MBD5: variants seen among roughly 807,000 people sequenced by gnomAD.
MBD5 encodes methyl-CpG-binding domain protein 5.
Under a neutral mutation model 117.3 loss-of-function variants are expected in MBD5, and 13 were observed. The ratio of observed to expected loss-of-function variants is 0.11; its 90% CI spans 0.07 to 0.18. The LOEUF is 0.18. Among genes scored for constraint, MBD5 ranks in the 10% least tolerant of loss-of-function variants. The probability of loss-of-function intolerance (pLI) is 1.00; values close to 1 mark genes in which losing one functional copy is unlikely to be tolerated. For synonymous variants in MBD5, 727 were observed against 766.4 expected, an observed-to-expected ratio of 0.95 and a Z score of 0.85; for missense variants, 1,879 against 2,093.8, an observed-to-expected ratio of 0.90 and a Z score of 2.00.
intron 1 of MBD5, among the ~76,000 whole-genome samples, chr2:148,088,628 A>G (rs913550702): frequency 1.3e-5 from 2 of 152,234 alleles, no homozygotes; most frequent in African/African-American, 4.8e-5. Flanking sequence ...TAAATGAAAA[A>G]GAAATAAAGT....
chr2:148,066,982 G>A (rs1425348320), intron 1 of MBD5, among the ~76,000 whole-genome samples: 1 of 152,180 alleles, frequency 6.6e-6, no homozygotes, highest in East Asian at 1.9e-4. Context: ...CACCTGGAAA[G>A]CAAAAGTGAT....
At chr2:148,330,550 A>G (rs1010535801) in intron 3 of MBD5, 2 of 152,218 alleles carry the variant, frequency 1.3e-5, no homozygotes, top group Admixed American at 6.5e-5. Flanking sequence ...AAATCCTGCT[A>G]TAGATTTCTT....
Position 148,502,439 on chromosome 2 carries a change from G to C in MBD5, c.4966G>C (p.Glu1656Gln), listed in dbSNP as rs1215575099. 6 of 1,613,930 alleles carry C rather than the reference G, an allele frequency of 3.7e-6. No homozygotes were observed. Among genetic ancestry groups the C allele is most frequent in the Non-Finnish European group, 5.1e-6 (6 of 1,179,932 alleles). Residue 1656 changes from glutamate (E) to glutamine (Q), a missense_variant, in exon 12 of 14, where the codon GAG becomes CAG. Transcript: ENST00000642680. ...CQQSPEEGKV[E>Q]PEKLKTLTEG... Reference sequence around the variant, plus strand: ...TGGTCTTCATACCTTCACTCAGGTGGAGCCCGAGAAGTTGAAGACACTAAC... The same window carrying C: ...TGGTCTTCATACCTTCACTCAGGTGCAGCCCGAGAAGTTGAAGACACTAAC...
chr2:148,286,007 C>A (rs538303663), intron 3 of MBD5, among the ~76,000 whole-genome samples: 3 of 151,962 alleles, frequency 2.0e-5, no homozygotes, highest in Non-Finnish European at 4.4e-5. Context: ...TTAATAGCAG[C>A]AAACACTTCT....
intron 3 of MBD5, among the ~76,000 whole-genome samples, chr2:148,323,092 G>A (rs983262842): frequency 4.6e-5 from 7 of 151,300 alleles, no homozygotes; most frequent in East Asian, 1.9e-4. Context: ...GAGAATATGC[G>A]GTGTTTGGTT....
intron 4 of MBD5, among the ~76,000 whole-genome samples, chr2:148,359,203 G>C (rs1703462678): frequency 6.6e-6 from 1 of 150,732 alleles, no homozygotes; most frequent in African/African-American, 2.4e-5. Flanking sequence ...GGAGGAGGAG[G>C]TTGCAGTGAG....
At chr2:148,096,764 C>T (rs1696079744) in intron 1 of MBD5, among the ~76,000 whole-genome samples, 1 of 151,810 alleles carries the variant, frequency 6.6e-6, no homozygotes, top group Non-Finnish European at 1.5e-5. Flanking sequence ...AATACAACAC[C>T]CAGAAGTACC....
intron 1 of MBD5, among the ~76,000 whole-genome samples, chr2:148,034,002 C>T (rs527765608): frequency 2.6e-5 from 4 of 152,182 alleles, no homozygotes; most frequent in African/African-American, 9.6e-5. Context: ...GTTTGACAGC[C>T]TGGGCACCAT....
intron 8 of MBD5, among the ~76,000 whole-genome samples, chr2:148,478,624 A>T (rs143895784): frequency 2.3e-3 from 357 of 152,272 alleles, no homozygotes; most frequent in African/African-American, 7.4e-3. Flanking sequence ...ATTGGACTAG[A>T]CTGTCTTAAT....
intron 1 of MBD5, among the ~76,000 whole-genome samples, chr2:148,022,544 AT>A (rs1291019198): frequency 9.2e-5 from 14 of 152,184 alleles, no homozygotes; most frequent in Non-Finnish European, 1.8e-4. Flanking sequence ...AGTAATCCCC[AT>A]TGAAAACTTT....
chr2:148,037,929 C>A (rs1472464328), intron 1 of MBD5, among the ~76,000 whole-genome samples: 1 of 151,876 alleles, frequency 6.6e-6, no homozygotes, highest in Non-Finnish European at 1.5e-5. Flanking sequence ...ACAAACAGTT[C>A]TTTTCAGCTA....
intron 1 of MBD5, among the ~76,000 whole-genome samples, chr2:148,080,129 G>T (rs778129923): frequency 6.6e-6 from 1 of 152,156 alleles, no homozygotes; most frequent in Non-Finnish European, 1.5e-5. Context: ...TAGGATTAAG[G>T]TGAAGGTGAT....
At chr2:148,333,758 T>C (rs1469381003) in intron 3 of MBD5, among the ~76,000 whole-genome samples, 1 of 152,024 alleles carries the variant, frequency 6.6e-6, no homozygotes, top group Admixed American at 6.6e-5. Flanking sequence ...CTTGGGAGGC[T>C]GAGGTGGGAG....
intron 2 of MBD5, among the ~76,000 whole-genome samples, chr2:148,185,219 A>C (rs1043118562): frequency 6.6e-6 from 1 of 152,184 alleles, no homozygotes; most frequent in Non-Finnish European, 1.5e-5. Flanking sequence ...TCCAAGGCCC[A>C]AGCCACCAGC....
chr2:148,256,137 C>G (rs185778682), intron 3 of MBD5, among the ~76,000 whole-genome samples: 2 of 152,238 alleles, frequency 1.3e-5, no homozygotes, highest in African/African-American at 4.8e-5. Context: ...TTACTTGTTG[C>G]GTAACATTGG....
At chr2:148,278,548 T>A (rs555390063) in intron 3 of MBD5, among the ~76,000 whole-genome samples, 14 of 152,312 alleles carry the variant, frequency 9.2e-5, no homozygotes, top group South Asian at 4.1e-4. Flanking sequence ...GCCATCATTT[T>A]AAAAATCTTC....
At chr2:148,405,404 C>T (rs114685111) in intron 4 of MBD5, among the ~76,000 whole-genome samples, 2,557 of 152,282 alleles carry the variant, frequency 0.017, 84 homozygotes, top group African/African-American at 0.057. Flanking sequence ...GAGTATTCCA[C>T]CCTATGCCCC....
At chr2:148,403,162 A>C (rs571166942) in intron 4 of MBD5, among the ~76,000 whole-genome samples, 1 of 146,494 alleles carries the variant, frequency 6.8e-6, no homozygotes, top group South Asian at 2.2e-4. Flanking sequence ...GAATACAATT[A>C]TAATAACTAT....
intron 3 of MBD5, among the ~76,000 whole-genome samples, chr2:148,245,387 G>A (rs1700313383): frequency 1.3e-5 from 2 of 151,986 alleles, no homozygotes; most frequent in Admixed American, 1.3e-4. Context: ...CACCATTCCT[G>A]GCTAATGTTT....
Sources: gnomAD v4.1 joint callset for allele counts (sites outside exome capture counted in the v4.1 genomes callset) on GRCh38, gnomAD v4.1.1 for gene constraint, MANE v1.5 for transcripts, NCBI Gene and HGNC (gene_info 2026-07-23, HGNC 2026-07-21) for gene names.